Variants in KLHL6 observed in about 807,000 individuals in gnomAD.
The protein encoded by KLHL6 is kelch-like protein 6.
A neutral mutation model predicts 58.6 loss-of-function variants in KLHL6; 41 were observed. The observed-to-expected ratio is 0.70, with a 90% CI of 0.55 to 0.91. KLHL6 has a LOEUF of 0.91. KLHL6 is among the 40% of genes least tolerant of loss of function. The pLI, the probability that KLHL6 is intolerant of heterozygous loss-of-function variation, is 0.00. For missense variants in KLHL6, 714 were observed against 805.6 expected (o/e 0.89, Z 1.38); for synonymous variants, 338 against 322.7 (o/e 1.05, Z -0.51).
At chr3:183,493,315 G>A in intron 5 of KLHL6, 1 of 155,772 alleles carries the variant, frequency 6.4e-6, no homozygotes, top group Non-Finnish European at 1.4e-5. Context: ...CTCTGTGATA[G>A]GGCTTGTTTT....
chr3:183,520,194 T>C (rs1438155940), intron 2 of KLHL6: 1 of 151,768 alleles, frequency 6.6e-6, no homozygotes, highest in African/African-American at 2.4e-5. Context: ...ATGTGAAAAA[T>C]CATCAAGCTG....
At chr3:183,552,717 C>CA (rs1169148282) in intron 1 of KLHL6, among the ~76,000 whole-genome samples, 5,458 of 46,924 alleles carry the variant, frequency 0.12, 404 homozygotes, top group Non-Finnish European at 0.19. Context: ...GACTCCGTCT[C>CA]AAAAAAAAAA....
In KLHL6 at chr3:183,528,098, A is replaced by G. The variant is rs1712038346; in HGVS notation, c.294-88T>C. On this transcript the variant is annotated intron_variant, in intron 1 of 6. Transcript: ENST00000341319. ...CCCCTTTCAGACTCATCAGGCCCTC[A>G]CAGAACAGGGGGTTTCCCAAGGTCA... 5 of 1,463,432 alleles carry G rather than the reference A, an allele frequency of 3.4e-6. No homozygotes were observed. In the South Asian group the frequency reaches 6.1e-5, roughly 18 times the overall value. The allele number at this position is 1,463,432 out of a possible 1,614,324, so 90.7% of individuals were successfully genotyped here. A position where few individuals can be genotyped will look rare whatever the true frequency, so the allele number is the denominator to read the frequency against.
intron 1 of KLHL6, among the ~76,000 whole-genome samples, chr3:183,538,267 G>A (rs1309014643): frequency 6.6e-6 from 1 of 152,050 alleles, no homozygotes; most frequent in African/African-American, 2.4e-5. Flanking sequence ...CTCCATTATA[G>A]CTGACCCCTT....
At position 183,490,656 on chromosome 3, in the gene KLHL6, T is replaced by G. The variant is rs1341446580; in HGVS notation, c.*1271A>C. ...CCCGTCTCTACTAAAACTACAAAAA[T>G]TAGCCAGGCGCGGTGGCAGGTGCCT... is the stretch of plus-strand genomic sequence containing the variant. On this transcript the variant is annotated 3_prime_UTR_variant, in exon 7 of 7. Coordinates refer to ENST00000341319, the MANE Select transcript of KLHL6 (RefSeq NM_130446.4). 1 of 151,960 alleles carries G rather than the reference T, an allele frequency of 6.6e-6. No homozygotes were observed. Among genetic ancestry groups the G allele is most frequent in the Non-Finnish European group, 1.5e-5 (1 of 68,020 alleles). 9.4% of individuals were successfully genotyped at this position (151,960 alleles called of 1,614,324 possible).
Position 183,491,950 on chromosome 3 carries a change from C to T in KLHL6, c.1843G>A (p.Val615Met), listed in dbSNP as rs146413670. 3 of 1,521,474 alleles carry T rather than the reference C, an allele frequency of 2.0e-6. No individual in the cohort carries two copies. Among genetic ancestry groups the T allele is most frequent in the Non-Finnish European group, 2.6e-6 (3 of 1,132,226 alleles). The allele number at this position is 1,521,474 out of a possible 1,614,324, so 94.2% of individuals were successfully genotyped here. Residue 615 changes from valine to methionine, a missense_variant, in exon 7 of 7, where the codon GTG (valine) becomes ATG (methionine). Transcript: ENST00000341319. Reference sequence around the variant, plus strand: ...CGTCAGACAGACACTGCTCCGGGCACGATCCTGCGGATGTGGGTGTACGAC... The same window carrying T: ...CGTCAGACAGACACTGCTCCGGGCATGATCCTGCGGATGTGGGTGTACGAC... Reference protein sequence around the residue: ...RKSYTHIRRIVPGAVSV With the variant: ...RKSYTHIRRIMPGAVSV
At chr3:183,528,125 G>A in intron 1 of KLHL6, 115 bp from the exon 2 acceptor site, 3 of 1,143,048 alleles carry the variant, frequency 2.6e-6, no homozygotes, top group Non-Finnish European at 3.8e-6. Context: ...CCAAGGTCAG[G>A]TCCTGGGCTG....
In KLHL6 at chr3:183,491,881, G is replaced by C. The variant is rs748826885; in HGVS notation, c.*46C>G. 1 of 1,435,012 alleles carries C rather than the reference G, an allele frequency of 7.0e-7. No individual in the cohort carries two copies. The highest frequency in any genetic ancestry group is 9.2e-7 in the Non-Finnish European group (1 of 1,084,984). The allele number at this position is 1,435,012 out of a possible 1,614,324, so 88.9% of individuals were successfully genotyped here. A position where few individuals can be genotyped will look rare whatever the true frequency, so the allele number is the denominator to read the frequency against. On this transcript the variant is annotated 3_prime_UTR_variant, in exon 7 of 7. Transcript: ENST00000341319. ...ACTGGAGGAGGGTGAGAGGTGAGGC[G>C]GGTACGCTGAGGGTCGGGGGGGCTC...
intron 2 of KLHL6, among the ~76,000 whole-genome samples, chr3:183,525,269 A>ACACACACACACACACACACACACACAC (rs1553811031): frequency 8.4e-4 from 112 of 133,842 alleles, no homozygotes; most frequent in Non-Finnish European, 1.2e-3. Context: ...CTAAAAAAAA[A>ACACACACACACACACACACACACACAC]ACACACACAC....
chr3:183,518,135 C>T (rs959154015), intron 2 of KLHL6, among the ~76,000 whole-genome samples: 1 of 152,152 alleles, frequency 6.6e-6, no homozygotes, highest in Non-Finnish European at 1.5e-5. Flanking sequence ...CCTGGAGGCT[C>T]ATTGAGAATC....
chr3:183,508,750 G>C (rs577281806), intron 2 of KLHL6, among the ~76,000 whole-genome samples: 2 of 151,986 alleles, frequency 1.3e-5, no homozygotes, highest in Non-Finnish European at 2.9e-5. Context: ...ACTTACGGGA[G>C]GAGCTAAATA....
chr3:183,531,310 GC>G (rs2108687053), intron 1 of KLHL6, among the ~76,000 whole-genome samples: 1 of 152,146 alleles, frequency 6.6e-6, no homozygotes, highest in African/African-American at 2.4e-5. Flanking sequence ...ACCTCAGTGG[GC>G]CAGAAGGGAA....
chr3:183,533,511 T>A (rs1712227571), intron 1 of KLHL6, among the ~76,000 whole-genome samples: 1 of 151,480 alleles, frequency 6.6e-6, no homozygotes, highest in South Asian at 2.1e-4. Flanking sequence ...GCTCAAGAGA[T>A]CCTCCTTCCT....
intron 2 of KLHL6, among the ~76,000 whole-genome samples, chr3:183,511,931 T>C (rs1718197376): frequency 6.6e-6 from 1 of 152,176 alleles, no homozygotes; most frequent in Non-Finnish European, 1.5e-5. Flanking sequence ...CCCTACACAA[T>C]GCAAAGTTGC....
intron 1 of KLHL6, among the ~76,000 whole-genome samples, chr3:183,542,650 CT>C (rs1208082181): frequency 6.6e-6 from 1 of 152,194 alleles, no homozygotes; most frequent in Non-Finnish European, 1.5e-5. Flanking sequence ...CTCACAGCCC[CT>C]GTCCCCAGCT....
intron 2 of KLHL6, among the ~76,000 whole-genome samples, chr3:183,525,385 A>G (rs376713686): frequency 2.6e-5 from 4 of 152,180 alleles, no homozygotes; most frequent in African/African-American, 9.6e-5. Context: ...TGTCAGCCCC[A>G]TTTATCCAAG....
At chr3:183,530,402 G>A (rs1270977198) in intron 1 of KLHL6, among the ~76,000 whole-genome samples, 1 of 152,146 alleles carries the variant, frequency 6.6e-6, no homozygotes, top group African/African-American at 2.4e-5. Context: ...GGCAAAGAAA[G>A]GACTAAACTG....
chr3:183,545,076 G>A (rs1712676284), intron 1 of KLHL6, among the ~76,000 whole-genome samples: 1 of 152,136 alleles, frequency 6.6e-6, no homozygotes, highest in Non-Finnish European at 1.5e-5. Flanking sequence ...CCAAGTGAGG[G>A]GTGGAGAAAG....
At position 183,555,437 on chromosome 3, in the gene KLHL6, C is replaced by A; in HGVS notation, c.217G>T (p.Asp73Tyr). The A allele has an allele frequency of 6.2e-7, 1 of 1,614,148 alleles. No homozygotes were observed. Among genetic ancestry groups the A allele is most frequent in the Non-Finnish European group, 8.5e-7 (1 of 1,179,990 alleles). The stretch of plus-strand genomic sequence containing the variant: ...TGAATGTCCACACACAAGATGACAT[C>A]TGTCAGAGCGTTTTCCATTCGCAGG... ...ETLRMENALTDVILCVDIQEF... is the reference protein window; with the variant it reads ...ETLRMENALTYVILCVDIQEF... Residue 73 changes from aspartate (D) to tyrosine (Y), a missense_variant, in exon 1 of 7, where the codon GAT becomes TAT. Asp to Tyr is a radical substitution (Grantham distance 160). Transcript: ENST00000341319.
Sources: allele counts gnomAD v4.1 joint callset (sites outside exome capture counted in the v4.1 genomes callset), GRCh38; gene constraint gnomAD v4.1.1; transcripts MANE v1.5; gene names NCBI Gene and HGNC (gene_info 2026-07-23, HGNC 2026-07-21).